ARMC8: variants seen among roughly 807,000 people sequenced by gnomAD.
ARMC8 encodes armadillo repeat-containing protein 8.
ARMC8 carries 20 observed loss-of-function variants against 99.3 expected under a neutral mutation model. That is an observed-to-expected ratio of 0.20 (90% CI 0.14 to 0.29). The LOEUF (loss-of-function observed/expected upper bound fraction) is 0.29, where lower values mean the gene tolerates loss of function less well. Ranked by LOEUF, ARMC8 falls within the 10% of genes least tolerant of loss-of-function variation. The probability of loss-of-function intolerance (pLI) is 1.00; values close to 1 mark genes in which losing one functional copy is unlikely to be tolerated. For synonymous variants in ARMC8, 263 were observed against 278.3 expected (o/e 0.95, Z 0.55); for missense variants, 569 against 809.5 (o/e 0.70, Z 3.60).
At chr3:138,258,718 T>G (rs932165504) in intron 12 of ARMC8, among the ~76,000 whole-genome samples, 4 of 152,230 alleles carry the variant, frequency 2.6e-5, no homozygotes, top group Non-Finnish European at 5.9e-5. Context: ...TCATAAAAGC[T>G]AAAGACACCA....
intron 1 of ARMC8, among the ~76,000 whole-genome samples, chr3:138,198,203 A>G (rs2043846787): frequency 6.6e-6 from 1 of 151,868 alleles, no homozygotes. Flanking sequence ...CAAAAAAAAA[A>G]CTCCAGAAAA....
chr3:138,204,920 C>T (rs2044274415), intron 1 of ARMC8, among the ~76,000 whole-genome samples: 1 of 152,144 alleles, frequency 6.6e-6, no homozygotes, highest in Non-Finnish European at 1.5e-5. Context: ...GCCAACTTGA[C>T]ATCCTCACTT....
intron 5 of ARMC8, 169 bp from the exon 6 acceptor site, chr3:138,228,749 A>T (rs1325495048): frequency 6.9e-6 from 4 of 578,272 alleles, no homozygotes; most frequent in Admixed American, 6.5e-5. Context: ...TCATTGGCCT[A>T]GACAGTTTTC....
Position 138,274,513 on chromosome 3 carries a change from A to G in ARMC8, c.1694A>G (p.Glu565Gly), listed in dbSNP as rs1375320591. ...ATGCAAGCCGTCACTCTTATTCTAG[A>G]AGGGGAACATAACATTGAGGTCAAA... ...QIMQAVTLIL[E>G]GEHNIEVKEQ... The change falls in exon 18 of 22, where the codon GAA becomes GGA. Residue 565 changes from glutamate to glycine, a missense_variant. Around this residue, in one of 2 missense-constraint regions of ARMC8, gnomAD observed 227 missense variants for 417.9 expected, o/e 0.54. Transcript: ENST00000469044. 3.1e-6 allele frequency: 5 copies of G among 1,613,192 alleles called. No homozygotes were observed. Among genetic ancestry groups the G allele is most frequent in the Non-Finnish European group, 8.5e-7 (1 of 1,179,242 alleles).
At chr3:138,285,965 G>A (rs1361277693) in intron 19 of ARMC8, among the ~76,000 whole-genome samples, 1 of 151,946 alleles carries the variant, frequency 6.6e-6, no homozygotes, top group East Asian at 1.9e-4. Context: ...TTTATTTTGA[G>A]ACAGGGTCTC....
At chr3:138,259,515 C>G (rs2047562134) in intron 12 of ARMC8, among the ~76,000 whole-genome samples, 1 of 152,158 alleles carries the variant, frequency 6.6e-6, no homozygotes, top group Non-Finnish European at 1.5e-5. Context: ...ACTCTCACTC[C>G]CAGACTGATG....
At chr3:138,197,863 C>A (rs2043828549) in intron 1 of ARMC8, among the ~76,000 whole-genome samples, 1 of 152,148 alleles carries the variant, frequency 6.6e-6, no homozygotes, top group South Asian at 2.1e-4. Context: ...CCTTAAAGAT[C>A]TTCTAGAGCC....
At chr3:138,238,265 CCA>C (rs2046432839) in intron 9 of ARMC8, 1 of 152,216 alleles carries the variant, frequency 6.6e-6, no homozygotes, top group African/African-American at 2.4e-5. Flanking sequence ...ACGGGTTTCA[CCA>C]TGTTGGTCAG....
At chr3:138,237,269 G>C in intron 7 of ARMC8, 40 bp from the exon 8 acceptor site, 1 of 1,576,612 alleles carries the variant, frequency 6.3e-7, no homozygotes. Flanking sequence ...TGCATTTGCA[G>C]AATTAAACAC....
intron 11 of ARMC8, 91 bp from the exon 12 acceptor site, chr3:138,244,997 G>C (rs2046816141): frequency 2.0e-6 from 3 of 1,488,168 alleles, no homozygotes; most frequent in South Asian, 1.3e-5. Context: ...AAATCTAAAA[G>C]TTGTAAACTT....
At chr3:138,187,974 C>G (rs749769417) in intron 1 of ARMC8, 1 of 285,586 alleles carries the variant, frequency 3.5e-6, no homozygotes, top group African/African-American at 2.2e-5. Flanking sequence ...TGTGAAGCGC[C>G]GGGCTTGCAG....
chr3:138,288,635 C>CTTTT (rs547726493), intron 19 of ARMC8, among the ~76,000 whole-genome samples: 2 of 109,676 alleles, frequency 1.8e-5, no homozygotes, highest in African/African-American at 3.1e-5. Flanking sequence ...CTTCTTCAGA[C>CTTTT]TTTTTTTTTT....
chr3:138,266,397 CA>C (rs1257995019), intron 14 of ARMC8, among the ~76,000 whole-genome samples: 2 of 152,056 alleles, frequency 1.3e-5, no homozygotes, highest in African/African-American at 4.8e-5. Flanking sequence ...ATCCCTTATC[CA>C]AAACTGTTGG....
chr3:138,193,061 C>T (rs995809963), intron 1 of ARMC8, among the ~76,000 whole-genome samples: 4 of 152,054 alleles, frequency 2.6e-5, no homozygotes, highest in African/African-American at 4.8e-5. Context: ...CTCTGCCTCC[C>T]AGGTTCAAGC....
chr3:138,282,517 C>T (rs1420762848), intron 18 of ARMC8, among the ~76,000 whole-genome samples: 2 of 151,352 alleles, frequency 1.3e-5, no homozygotes, highest in African/African-American at 4.9e-5. Flanking sequence ...GTGTGGCACA[C>T]ACTTGTAATC....
chr3:138,206,792 G>A (rs566090800), intron 1 of ARMC8, among the ~76,000 whole-genome samples: 12 of 152,294 alleles, frequency 7.9e-5, no homozygotes, highest in East Asian at 7.7e-4. Context: ...AGACAAAAGC[G>A]TAGAGTAAGA....
intron 1 of ARMC8, among the ~76,000 whole-genome samples, chr3:138,191,934 G>C (rs775124292): frequency 6.6e-6 from 1 of 152,128 alleles, no homozygotes; most frequent in Non-Finnish European, 1.5e-5. Flanking sequence ...CTAGTTTTTG[G>C]CTATTATAAC....
intron 11 of ARMC8, 35 bp from the exon 12 acceptor site, chr3:138,245,053 G>T: frequency 1.3e-6 from 2 of 1,585,478 alleles, no homozygotes; most frequent in Middle Eastern, 1.8e-4. Flanking sequence ...TGAATTTATG[G>T]ACTGAGTTGG....
chr3:138,262,558 C>G (rs760246183), intron 12 of ARMC8: 48 of 1,611,612 alleles, frequency 3.0e-5, no homozygotes, highest in Non-Finnish European at 4.0e-5. Flanking sequence ...GGTCAGTGAT[C>G]TTCAACCTTG....
Sources: allele counts gnomAD v4.1 joint callset (sites outside exome capture counted in the v4.1 genomes callset), GRCh38; gene constraint gnomAD v4.1.1; regional missense constraint gnomAD v4.1.1; transcripts MANE v1.5; gene names NCBI Gene and HGNC (gene_info 2026-07-23, HGNC 2026-07-21).